Variants in NPHP4 observed in about 807,000 individuals in gnomAD.
The protein encoded by NPHP4 is nephrocystin-4.
Under a neutral mutation model 155.8 loss-of-function variants are expected in NPHP4, and 151 were observed. The ratio of observed to expected loss-of-function variants is 0.97; its 90% confidence interval spans 0.85 to 1.11. NPHP4 has a LOEUF of 1.11. Ranked by LOEUF, NPHP4 falls within the 50% of genes least tolerant of loss-of-function variation. The pLI is 0.00. For missense variants in NPHP4, 1,956 were observed against 1,925.7 expected (o/e 1.02, Z -0.29); for synonymous variants, 845 against 816.8 (o/e 1.03, Z -0.59).
chr1:5,947,050 TCACA>T, intron 9 of NPHP4, 50 bp downstream of exon 9: 1 of 1,604,888 alleles, frequency 6.2e-7, no homozygotes, highest in Non-Finnish European at 8.5e-7. Context: ...ACATTTATCC[TCACA>T]CACAGAGTTC....
At chr1:5,953,632 A>G (rs1226002149) in intron 6 of NPHP4, among the ~76,000 whole-genome samples, 1 of 152,232 alleles carries the variant, frequency 6.6e-6, no homozygotes, top group Non-Finnish European at 1.5e-5. Flanking sequence ...CCTGAACGGC[A>G]CCACGAGAAA....
chr1:5,905,653 A>G lies in NPHP4; in HGVS notation c.1742T>C (p.Val581Ala). The G allele has an allele frequency of 1.9e-6, 3 of 1,613,934 alleles. No individual in the cohort carries two copies. Among genetic ancestry groups the G allele is most frequent in the South Asian group, 1.1e-5 (1 of 91,066 alleles). The change falls in exon 14 of 30, where the codon GTT (valine) becomes GCT (alanine). Residue 581 changes from valine (V) to alanine (A), a missense_variant. By Grantham distance (64) the Val-to-Ala change is moderately conservative (BLOSUM62 0). Coordinates refer to ENST00000378156, the MANE Select transcript of NPHP4 (RefSeq NM_015102.5). The surrounding 1 kb of genome is among the most constrained non-coding windows in gnomAD (Gnocchi z 4.0). Reference protein sequence around the residue: ...LPFTPLHAPIVVGTQTRSSAG... With the variant: ...LPFTPLHAPIAVGTQTRSSAG... ...TCACCTCCTGGTCTGGGTTCCCACA[A>G]CAATAGGGGCATGCAAAGGCGTGAA...
intron 4 of NPHP4, 47 bp from the exon 5 acceptor site, chr1:5,967,410 C>T: frequency 6.8e-7 from 1 of 1,480,926 alleles, no homozygotes. Flanking sequence ...GTGCGCACTT[C>T]TCAGAAGGAA....
In NPHP4 at chr1:5,941,289, CAAAAAAAAAAA is replaced by C. The variant is rs66676950; in HGVS notation, c.1119+5804_1119+5814del. On this transcript the variant is annotated intron_variant, in intron 9 of 29. Coordinates refer to ENST00000378156, the MANE Select transcript of NPHP4 (RefSeq NM_015102.5). ...TCACACCACAAACAAGAGATCTAGA[CAAAAAAAAAAA>C]AAAAAAAAAAAAAAGGGCAGGAGAA... 4.2e-4 allele frequency among the ~76,000 whole-genome samples: 19 copies of C among 44,764 alleles called. No homozygotes were observed. In the South Asian group the frequency reaches 0.019, roughly 45 times the overall value. 29.4% of individuals were successfully genotyped at this position (44,764 alleles called of 152,430 possible).
chr1:5,931,748 A>C (rs1646286937), intron 10 of NPHP4, among the ~76,000 whole-genome samples: 1 of 151,550 alleles, frequency 6.6e-6, no homozygotes, highest in African/African-American at 2.4e-5. Flanking sequence ...AAAAAAAAAA[A>C]AAAAAAAAAA....
At chr1:5,863,720 ACT>A (rs1640879512) in intron 29 of NPHP4, 168 bp downstream of exon 29, 1 of 697,434 alleles carries the variant, frequency 1.4e-6, no homozygotes, top group South Asian at 1.8e-5. Flanking sequence ...ATCTCCAGCT[ACT>A]AAAGATACAA....
intron 2 of NPHP4, among the ~76,000 whole-genome samples, chr1:5,985,079 C>T (rs1481387802): frequency 6.6e-6 from 1 of 152,214 alleles, no homozygotes; most frequent in Non-Finnish European, 1.5e-5. Context: ...ACCACAGTGG[C>T]AAAGACACAG....
At chr1:5,871,544 G>C (rs993983788) in intron 23 of NPHP4, among the ~76,000 whole-genome samples, 3 of 152,234 alleles carry the variant, frequency 2.0e-5, no homozygotes, top group African/African-American at 7.2e-5. Flanking sequence ...TTTGTAGAAA[G>C]ATCACAGGAA....
chr1:5,909,514 C>T (rs960514938), intron 11 of NPHP4, among the ~76,000 whole-genome samples: 1 of 152,172 alleles, frequency 6.6e-6, no homozygotes, highest in Non-Finnish European at 1.5e-5. Flanking sequence ...CTCCCTAACA[C>T]GCTTCTCCTC....
chr1:5,908,178 T>C (rs935781958), intron 12 of NPHP4, among the ~76,000 whole-genome samples: 2 of 152,226 alleles, frequency 1.3e-5, no homozygotes, highest in African/African-American at 4.8e-5. Flanking sequence ...GAGGAGATCT[T>C]TGGGGCCTAC....
chr1:5,990,582 G>A (rs1035228193), intron 1 of NPHP4, among the ~76,000 whole-genome samples: 13 of 152,158 alleles, frequency 8.5e-5, no homozygotes, highest in Non-Finnish European at 1.8e-4. Context: ...TCTTACAGAT[G>A]AGAACACTGA....
At chr1:5,909,498 T>C (rs1003447591) in intron 11 of NPHP4, among the ~76,000 whole-genome samples, 2 of 152,152 alleles carry the variant, frequency 1.3e-5, no homozygotes, top group Non-Finnish European at 2.9e-5. Flanking sequence ...CTTGGGGTGC[T>C]TGGAGCTCCC....
At position 5,961,836 on chromosome 1, in the gene NPHP4, G is replaced by T. The variant is rs766491055; in HGVS notation, c.631C>A (p.Leu211Met). ...GGAAGCAGGCCAGGTATCTGCTGCA[G>T]ACCAGACACCAGAAGGTTCTCAGGA... ...LLPENLLVSG[L>M]QQIPGLLPAH... Residue 211 changes from leucine to methionine, a missense_variant, in exon 6 of 30, where the codon CTG (leucine) becomes ATG (methionine). By Grantham distance (15) the Leu-to-Met change is conservative. Transcript: ENST00000378156. 3 of 1,613,536 alleles carry T rather than the reference G, an allele frequency of 1.9e-6. No homozygotes were observed. The highest frequency in any genetic ancestry group is 2.5e-6 in the Non-Finnish European group (3 of 1,179,640).
At chr1:5,955,142 A>C (rs1648933622) in intron 6 of NPHP4, among the ~76,000 whole-genome samples, 2 of 152,218 alleles carry the variant, frequency 1.3e-5, no homozygotes, top group Non-Finnish European at 2.9e-5. Flanking sequence ...GCTCAGCCTC[A>C]CTAGTCATCA....
intron 5 of NPHP4, among the ~76,000 whole-genome samples, chr1:5,963,356 C>G (rs935504183): frequency 6.6e-6 from 1 of 151,862 alleles, no homozygotes; most frequent in Non-Finnish European, 1.5e-5. Flanking sequence ...GATTGCACCA[C>G]TGCAATCCAG....
chr1:5,903,870 C>G (rs1489822132), intron 16 of NPHP4, among the ~76,000 whole-genome samples: 1 of 152,196 alleles, frequency 6.6e-6, no homozygotes, highest in Non-Finnish European at 1.5e-5. Context: ...TGACGCAACA[C>G]AAAGAGAAGC....
chr1:5,875,669 T>C (rs560322223), intron 20 of NPHP4, among the ~76,000 whole-genome samples: 1 of 152,294 alleles, frequency 6.6e-6, no homozygotes, highest in South Asian at 2.1e-4. Context: ...GTTCTACAGG[T>C]TGGAGACTGG....
Position 5,877,303 on chromosome 1 carries a change from G to T in NPHP4, c.2612-5C>A. The T allele has an allele frequency of 6.3e-7, 1 of 1,586,120 alleles. No homozygotes were observed. The highest frequency in any genetic ancestry group is 1.1e-5 in the South Asian group (1 of 88,506). Reference sequence around the variant, plus strand: ...GTGCTTGCACCACGTGTTTTCCTGCGAAAGGGTCAGAGCGCGAGTCAGGTA... The same window carrying T: ...GTGCTTGCACCACGTGTTTTCCTGCTAAAGGGTCAGAGCGCGAGTCAGGTA... On this transcript the variant is annotated splice_polypyrimidine_tract_variant and splice_region_variant and intron_variant, in intron 19 of 29. Transcript: ENST00000378156.
In NPHP4 at chr1:5,891,096, G is replaced by C. The variant is rs1644102803; in HGVS notation, c.2144-68C>G. 17 of 1,202,122 alleles carry C rather than the reference G, an allele frequency of 1.4e-5. No individual in the cohort carries two copies. In the South Asian group the frequency reaches 3.7e-4, roughly 26 times the overall value. 74.5% of individuals were successfully genotyped at this position (1,202,122 alleles called of 1,614,324 possible). ...ATTCATCATCTTTACACTTGGAAGA[G>C]ATTTCAGCTCTGGTCATGATTACTA... On this transcript the variant is annotated intron_variant, in intron 16 of 29. Transcript: ENST00000378156.
Sources: gnomAD v4.1 joint callset for allele counts (sites outside exome capture counted in the v4.1 genomes callset) on GRCh38, gnomAD v4.1.1 for gene constraint, Gnocchi (gnomAD v3.1) non-coding constraint, MANE v1.5 for transcripts, NCBI Gene and HGNC (gene_info 2026-07-23, HGNC 2026-07-21) for gene names.